LRMDA: variants seen among roughly 807,000 people sequenced by gnomAD.
LRMDA encodes the protein leucine-rich melanocyte differentiation-associated protein.
Under a neutral mutation model 29.8 loss-of-function variants are expected in LRMDA, and 18 were observed. The observed-to-expected ratio is 0.60, with a 90% CI of 0.42 to 0.90. The LOEUF (loss-of-function observed/expected upper bound fraction) is 0.90, where lower values mean the gene tolerates loss of function less well. LRMDA is among the 40% of genes least tolerant of loss of function. The probability of loss-of-function intolerance (pLI) is 0.00; values close to 1 mark genes in which losing one functional copy is unlikely to be tolerated. For synonymous variants in LRMDA, 125 were observed against 109.4 expected (o/e 1.14, Z -0.89); for missense variants, 273 against 273.9 (o/e 1.00, Z 0.02).
chr10:75,486,152 A>C (rs1260751792), intron 2 of LRMDA, among the ~76,000 whole-genome samples: 1 of 152,120 alleles, frequency 6.6e-6, no homozygotes, highest in Non-Finnish European at 1.5e-5. Context: ...TGTTGAAGAG[A>C]GTGTTTTCAA....
At chr10:76,490,094 T>C (rs1194378495) in intron 6 of LRMDA, among the ~76,000 whole-genome samples, 1 of 152,068 alleles carries the variant, frequency 6.6e-6, no homozygotes, top group Non-Finnish European at 1.5e-5. Context: ...CCAGTGTTTA[T>C]ATAGTTTCTA....
At chr10:76,141,422 G>A (rs936432332) in intron 5 of LRMDA, among the ~76,000 whole-genome samples, 1 of 152,080 alleles carries the variant, frequency 6.6e-6, no homozygotes, top group Non-Finnish European at 1.5e-5. Context: ...GTGCCCTTCA[G>A]TTGAGAACCT....
intron 2 of LRMDA, among the ~76,000 whole-genome samples, chr10:75,939,593 C>A (rs1018018148): frequency 1.3e-5 from 2 of 152,090 alleles, no homozygotes; most frequent in East Asian, 3.9e-4. Context: ...ATTTTGGACC[C>A]ATGGGAAAGA....
intron 5 of LRMDA, among the ~76,000 whole-genome samples, chr10:76,146,484 G>C (rs1850324335): frequency 6.6e-6 from 1 of 151,058 alleles, no homozygotes; most frequent in African/African-American, 2.4e-5. Flanking sequence ...TTGGTTTAAA[G>C]TCTGTTTTAT....
At chr10:75,485,870 G>A (rs1831193605) in intron 2 of LRMDA, among the ~76,000 whole-genome samples, 1 of 152,176 alleles carries the variant, frequency 6.6e-6, no homozygotes, top group Non-Finnish European at 1.5e-5. Flanking sequence ...GAGCCACTGT[G>A]CCCAGCTGCT....
At chr10:75,992,183 G>A (rs917298871) in intron 2 of LRMDA, among the ~76,000 whole-genome samples, 1 of 152,096 alleles carries the variant, frequency 6.6e-6, no homozygotes, top group African/African-American at 2.4e-5. Context: ...TCACAAGCTA[G>A]CAAGTCTCAA....
chr10:76,137,786 ACAAAC>A (rs1564663162), intron 5 of LRMDA, among the ~76,000 whole-genome samples: 2 of 147,184 alleles, frequency 1.4e-5, no homozygotes, highest in African/African-American at 5.1e-5. Context: ...AAAAAAAAAA[ACAAAC>A]AAAAAACCCT....
At chr10:75,643,979 G>T (rs1405196971) in intron 2 of LRMDA, among the ~76,000 whole-genome samples, 1 of 152,140 alleles carries the variant, frequency 6.6e-6, no homozygotes, top group Admixed American at 6.5e-5. Flanking sequence ...GAATAATTAG[G>T]TGGCATGTGA....
chr10:75,750,094 C>T (rs1477797609), intron 2 of LRMDA, among the ~76,000 whole-genome samples: 3 of 152,116 alleles, frequency 2.0e-5, no homozygotes, highest in Admixed American at 1.3e-4. Context: ...TTTTTCTATT[C>T]GACAAAACCA....
chr10:75,958,152 T>A (rs1343441280), intron 2 of LRMDA, among the ~76,000 whole-genome samples: 1 of 152,000 alleles, frequency 6.6e-6, no homozygotes, highest in Non-Finnish European at 1.5e-5. Context: ...AGGAGAAGGA[T>A]GGGAGGAGGA....
chr10:75,955,680 A>C (rs1022102011), intron 2 of LRMDA, among the ~76,000 whole-genome samples: 1 of 152,208 alleles, frequency 6.6e-6, no homozygotes, highest in African/African-American at 2.4e-5. Flanking sequence ...TAGCACTAAT[A>C]TTTTGTTTTC....
chr10:76,552,480 T>A (rs552290551), intron 6 of LRMDA, among the ~76,000 whole-genome samples: 1 of 152,310 alleles, frequency 6.6e-6, no homozygotes, highest in East Asian at 1.9e-4. Flanking sequence ...CCAAATCAAT[T>A]TTTTTATTGA....
intron 2 of LRMDA, among the ~76,000 whole-genome samples, chr10:75,523,086 T>C (rs887224414): frequency 2.0e-5 from 3 of 152,202 alleles, no homozygotes; most frequent in African/African-American, 7.2e-5. Context: ...CACTTGTAAA[T>C]GGGAGCTTAT....
At chr10:75,438,806 C>T (rs1844292577) in intron 2 of LRMDA, among the ~76,000 whole-genome samples, 1 of 152,184 alleles carries the variant, frequency 6.6e-6, no homozygotes, top group Non-Finnish European at 1.5e-5. Context: ...CCTGTGCAGA[C>T]AGGTCAGAAT....
chr10:75,574,705 G>A (rs3001917), intron 2 of LRMDA, among the ~76,000 whole-genome samples: 11 of 151,916 alleles, frequency 7.2e-5, no homozygotes, highest in Admixed American at 1.3e-4. Flanking sequence ...CTTATCCACC[G>A]TGGGGCTTCA....
In LRMDA at chr10:76,288,335, G is replaced by T. The variant is rs115813101; in HGVS notation, c.517-36066G>T. On this transcript the variant is annotated intron_variant, in intron 5 of 6. Coordinates refer to ENST00000611255, the MANE Select transcript of LRMDA (RefSeq NM_001305581.2). ...ATTCTACTATAAAAGACACATGCACGTGTGTGTTCATCTCAGCACATTTCA... is the reference window on the plus strand; with the variant it reads ...ATTCTACTATAAAAGACACATGCACTTGTGTGTTCATCTCAGCACATTTCA... Among the ~76,000 whole-genome samples, 616 of 152,186 alleles carry T rather than the reference G, an allele frequency of 4.0e-3. 8 individuals carry two copies. Among genetic ancestry groups the T allele is most frequent in the African/African-American group, 0.014 (573 of 41,550 alleles).
chr10:75,552,425 TCCC>T, intron 2 of LRMDA: 4 of 241,908 alleles, frequency 1.7e-5, no homozygotes, highest in South Asian at 3.9e-5. Context: ...TTTTTTTTTT[TCCC>T]CCCCCTCTGG....
At chr10:75,596,706 C>T (rs979782421) in intron 2 of LRMDA, among the ~76,000 whole-genome samples, 1 of 152,198 alleles carries the variant, frequency 6.6e-6, no homozygotes, top group Non-Finnish European at 1.5e-5. Flanking sequence ...CGTCCTCCTT[C>T]TAGCTATTTG....
At chr10:76,400,913 G>A (rs982245722) in intron 6 of LRMDA, among the ~76,000 whole-genome samples, 1 of 152,130 alleles carries the variant, frequency 6.6e-6, no homozygotes, top group African/African-American at 2.4e-5. Flanking sequence ...AGAATTTGGG[G>A]TTTTGGGGGA....
Sources: gnomAD v4.1 joint callset for allele counts (sites outside exome capture counted in the v4.1 genomes callset) on GRCh38, gnomAD v4.1.1 for gene constraint, MANE v1.5 for transcripts, NCBI Gene and HGNC (gene_info 2026-07-23, HGNC 2026-07-21) for gene names.